Variants in NRCAM observed in about 807,000 individuals in gnomAD.
NRCAM encodes the protein neuronal cell adhesion molecule, also known as NgCAM-related cell adhesion molecule.
In NRCAM, 83 loss-of-function variants were observed where a neutral mutation model predicts 156.5. The observed-to-expected ratio is 0.53, with a 90% confidence interval of 0.44 to 0.64. The LOEUF (loss-of-function observed/expected upper bound fraction) is 0.64. Ranked by LOEUF, NRCAM falls within the 30% of genes least tolerant of loss-of-function variation. NRCAM has a pLI of 0.00. For synonymous variants in NRCAM, 538 were observed against 563.9 expected (o/e 0.95, Z 0.65); for missense variants, 1,417 against 1,597.3 (o/e 0.89, Z 1.92).
At chr7:108,333,829 C>G (rs1420197376) in intron 2 of NRCAM, among the ~76,000 whole-genome samples, 2 of 152,174 alleles carry the variant, frequency 1.3e-5, no homozygotes, top group African/African-American at 4.8e-5. Context: ...GTTCATCCTA[C>G]TAGTCACTCA....
chr7:108,164,412 G>A (rs924462974), intron 30 of NRCAM, among the ~76,000 whole-genome samples: 1 of 152,104 alleles, frequency 6.6e-6, no homozygotes, highest in African/African-American at 2.4e-5. Flanking sequence ...AATAACTATA[G>A]ATAAAGTTGA....
At chr7:108,381,671 T>C (rs2099702077) in intron 2 of NRCAM, among the ~76,000 whole-genome samples, 1 of 151,710 alleles carries the variant, frequency 6.6e-6, no homozygotes, top group Non-Finnish European at 1.5e-5. Flanking sequence ...GAGATTCTCC[T>C]GCCTCAGGCT....
chr7:108,245,966 G>A (rs1470966427), intron 3 of NRCAM, among the ~76,000 whole-genome samples: 3 of 152,196 alleles, frequency 2.0e-5, no homozygotes, highest in African/African-American at 7.2e-5. Flanking sequence ...AAAAGCTCAT[G>A]TGTGTGAGAC....
intron 32 of NRCAM, among the ~76,000 whole-genome samples, chr7:108,153,421 GA>G (rs2042940056): frequency 6.6e-6 from 1 of 152,056 alleles, no homozygotes; most frequent in African/African-American, 2.4e-5. Context: ...ATTAGGAATA[GA>G]ATGTATTTTT....
intron 3 of NRCAM, among the ~76,000 whole-genome samples, chr7:108,272,420 T>C (rs1017170257): frequency 6.6e-6 from 1 of 152,172 alleles, no homozygotes; most frequent in Non-Finnish European, 1.5e-5. Flanking sequence ...CTCACCATCA[T>C]TTATCCAAAA....
chr7:108,429,770 T>C (rs1419265825), intron 1 of NRCAM, among the ~76,000 whole-genome samples: 3 of 152,166 alleles, frequency 2.0e-5, no homozygotes, highest in East Asian at 1.9e-4. Context: ...AAACTTCCAC[T>C]GGGGAGAGAC....
chr7:108,388,545 C>A (rs1445379358), intron 2 of NRCAM, among the ~76,000 whole-genome samples: 9 of 152,250 alleles, frequency 5.9e-5, no homozygotes, highest in African/African-American at 2.2e-4. Context: ...TTTTGCTGTG[C>A]AGAAGCTCTT....
chr7:108,448,782 G>C (rs1157143614), intron 1 of NRCAM, among the ~76,000 whole-genome samples: 4 of 152,092 alleles, frequency 2.6e-5, no homozygotes, highest in Admixed American at 6.6e-5. Context: ...CTCCCACCGG[G>C]AGCAGAAAGC....
In NRCAM at chr7:108,313,451, A is replaced by C. The variant is rs537607439; in HGVS notation, c.-173-720T>G. On this transcript the variant is annotated intron_variant, in intron 2 of 32. Coordinates refer to ENST00000379028, the MANE Select transcript of NRCAM (RefSeq NM_001037132.4). Reference sequence around the variant, plus strand: ...GTCTTTTTGAACTTTGGATTTCTGGAAACAGAAGTCGTACTATCAACCTCT... The same window carrying C: ...GTCTTTTTGAACTTTGGATTTCTGGCAACAGAAGTCGTACTATCAACCTCT... Among the ~76,000 whole-genome samples, 4 of 152,296 alleles carry C rather than the reference A, an allele frequency of 2.6e-5. No individual in the cohort carries two copies. In the South Asian group the frequency reaches 8.3e-4, roughly 32 times the overall value.
At chr7:108,269,655 C>G (rs2154034832) in intron 3 of NRCAM, among the ~76,000 whole-genome samples, 1 of 152,264 alleles carries the variant, frequency 6.6e-6, no homozygotes, top group Middle Eastern at 3.4e-3. Flanking sequence ...GTAATGAATA[C>G]AAAGCTAGAT....
rs75284428 is a variant in NRCAM at position 108,245,193 on chromosome 7, C to T, written c.-106-5023G>A. Among the ~76,000 whole-genome samples the T allele has an allele frequency of 6.4e-3, 972 of 152,212 alleles. 7 individuals are homozygous for T. Among genetic ancestry groups the T allele is most frequent in the Admixed American group, 0.015 (234 of 15,278 alleles). On this transcript the variant is annotated intron_variant, in intron 3 of 32. Coordinates refer to ENST00000379028, the MANE Select transcript of NRCAM (RefSeq NM_001037132.4). ...AAGTACCAGATCTAGAGCTCCAGTTCCGGAAGGTTCTGGAGCTTTTAGCCA... is the reference window on the plus strand; with the variant it reads ...AAGTACCAGATCTAGAGCTCCAGTTTCGGAAGGTTCTGGAGCTTTTAGCCA...
At chr7:108,173,441 A>T (rs1463655826) in intron 28 of NRCAM, among the ~76,000 whole-genome samples, 3 of 152,198 alleles carry the variant, frequency 2.0e-5, no homozygotes, top group Non-Finnish European at 4.4e-5. Flanking sequence ...TTCTCCTGTC[A>T]CAGAGCAGTT....
At chr7:108,422,134 T>G (rs1219687266) in intron 1 of NRCAM, among the ~76,000 whole-genome samples, 2 of 152,232 alleles carry the variant, frequency 1.3e-5, no homozygotes, top group Admixed American at 1.3e-4. Flanking sequence ...TCCTCCCTTC[T>G]GTCTCTCTTC....
At chr7:108,343,794 A>G (rs1175426705) in intron 2 of NRCAM, among the ~76,000 whole-genome samples, 3 of 152,226 alleles carry the variant, frequency 2.0e-5, no homozygotes, top group Admixed American at 6.5e-5. Context: ...TCAAGCAGAT[A>G]TAGTCAGGGC....
chr7:108,374,233 G>A lies in NRCAM; in HGVS notation c.-174+25203C>T, dbSNP rs7458125. 7.5e-3 allele frequency among the ~76,000 whole-genome samples: 1,147 copies of A among 152,308 alleles called. 15 individuals carry two copies. Among genetic ancestry groups the A allele is most frequent in the African/African-American group, 0.027 (1,107 of 41,576 alleles). On this transcript the variant is annotated intron_variant, in intron 2 of 32. Transcript: ENST00000379028. ...AAAACATTCCAGTGGAACACATGGA[G>A]AAGAATCTAGTCTGAATGAGACTTC... is the stretch of plus-strand genomic sequence containing the variant.
intron 3 of NRCAM, among the ~76,000 whole-genome samples, chr7:108,259,316 C>T (rs1200746848): frequency 3.3e-5 from 5 of 152,110 alleles, no homozygotes; most frequent in Admixed American, 2.6e-4. Context: ...GTTAACAAGC[C>T]TTTTTAAAAA....
intron 3 of NRCAM, among the ~76,000 whole-genome samples, chr7:108,291,827 A>G (rs1173939447): frequency 6.6e-6 from 1 of 152,198 alleles, no homozygotes; most frequent in Non-Finnish European, 1.5e-5. Context: ...TCTGAAATCT[A>G]AATGGCCGTA....
At chr7:108,341,267 C>A (rs1330493084) in intron 2 of NRCAM, among the ~76,000 whole-genome samples, 2 of 152,228 alleles carry the variant, frequency 1.3e-5, no homozygotes, top group Non-Finnish European at 2.9e-5. Context: ...CCCAACCCAT[C>A]ACCCTCACAG....
intron 14 of NRCAM, among the ~76,000 whole-genome samples, chr7:108,196,391 G>A (rs1587730661): frequency 6.6e-6 from 1 of 152,200 alleles, no homozygotes; most frequent in African/African-American, 2.4e-5. Flanking sequence ...ACAAAGTGAA[G>A]AAACAACCTA....
Sources: allele counts gnomAD v4.1 joint callset (sites outside exome capture counted in the v4.1 genomes callset), GRCh38; gene constraint gnomAD v4.1.1; transcripts MANE v1.5; gene names NCBI Gene and HGNC (gene_info 2026-07-23, HGNC 2026-07-21).